Variants in TTC6 observed in about 807,000 individuals in gnomAD.
TTC6 encodes tetratricopeptide repeat protein 6.
A neutral mutation model predicts 210.4 loss-of-function variants in TTC6; 172 were observed. The observed-to-expected ratio is 0.82, with a 90% CI of 0.72 to 0.93. The LOEUF (loss-of-function observed/expected upper bound fraction) is 0.93, where lower values mean the gene tolerates loss of function less well. Ranked by LOEUF, TTC6 falls within the 40% of genes least tolerant of loss-of-function variation. The pLI, the probability that TTC6 is intolerant of heterozygous loss-of-function variation, is 0.00. For missense variants in TTC6, 2,414 were observed against 2,318.1 expected, an observed-to-expected ratio of 1.04 and a Z score of -0.85; for synonymous variants, 804 against 819.6, an observed-to-expected ratio of 0.98 and a Z score of 0.32.
At chr14:37,734,234 A>C (rs950362407) in intron 7 of TTC6, among the ~76,000 whole-genome samples, 1 of 152,164 alleles carries the variant, frequency 6.6e-6, no homozygotes, top group Non-Finnish European at 1.5e-5. Flanking sequence ...AGTCTGCATG[A>C]AAGTTGATTC....
intron 1 of TTC6, among the ~76,000 whole-genome samples, chr14:37,602,262 T>A (rs2095617073): frequency 6.6e-6 from 1 of 152,246 alleles, no homozygotes. Context: ...CCTCTCTGTC[T>A]TATATCATAA....
At chr14:37,633,329 A>C (rs1478859924) in intron 1 of TTC6, among the ~76,000 whole-genome samples, 3 of 152,156 alleles carry the variant, frequency 2.0e-5, no homozygotes, top group African/African-American at 4.8e-5. Flanking sequence ...GCTGTAATGC[A>C]ATGTTCTTCA....
intron 1 of TTC6, among the ~76,000 whole-genome samples, chr14:37,651,415 ATATATATATATTTTTTTTTTT>A (rs1236543470): frequency 2.5e-3 from 53 of 20,800 alleles, no homozygotes; most frequent in South Asian, 0.017. Context: ...ATATATATAT[ATATATATATATTTTTTTTTTT>A]TTTTTTTTTT....
At chr14:37,735,330 C>T (rs749271680) in intron 7 of TTC6, among the ~76,000 whole-genome samples, 6 of 152,174 alleles carry the variant, frequency 3.9e-5, no homozygotes, top group African/African-American at 9.6e-5. Context: ...ACCCGGGTGT[C>T]GAATTTAGGT....
intron 14 of TTC6, among the ~76,000 whole-genome samples, chr14:37,760,720 A>G (rs906385007): frequency 2.0e-5 from 3 of 152,136 alleles, no homozygotes; most frequent in African/African-American, 7.2e-5. Context: ...CTGCCCAGTG[A>G]GGAGGAATCT....
exon 5 of TTC6, chr14:37,701,367 A>G: frequency 6.7e-7 from 1 of 1,490,942 alleles, no homozygotes; most frequent in South Asian, 1.3e-5. Context: ...CACCTTCATG[A>G]TCTGTGCACC....
In TTC6 at chr14:37,727,583, A is replaced by G. The variant is rs150836601; in HGVS notation, c.1818+2581A>G. ...TCTGGGATTACAGGTGTGAGCCACC[A>G]CGCCCAGACTCTAATTTCTTTTGCT... is the stretch of plus-strand genomic sequence containing the variant. On this transcript the variant is annotated intron_variant, in intron 7 of 30. Transcript: ENST00000553443. 8.9e-3 allele frequency among the ~76,000 whole-genome samples: 1,352 copies of G among 151,882 alleles called. 17 individuals are homozygous for G. The highest frequency in any genetic ancestry group is 0.053 in the East Asian group (272 of 5,164).
At chr14:37,727,097 A>T (rs977015657) in intron 7 of TTC6, among the ~76,000 whole-genome samples, 1 of 151,906 alleles carries the variant, frequency 6.6e-6, no homozygotes, top group Admixed American at 6.6e-5. Context: ...GATATATAAT[A>T]CATAATTCCC....
intron 29 of TTC6, among the ~76,000 whole-genome samples, chr14:37,835,397 A>T (rs1254727114): frequency 5.9e-5 from 9 of 152,164 alleles, no homozygotes; most frequent in Non-Finnish European, 1.0e-4. Flanking sequence ...AGAATAAACT[A>T]GTAAATTGTT....
At chr14:37,722,717 G>A (rs2095864226) in intron 6 of TTC6, among the ~76,000 whole-genome samples, 1 of 152,150 alleles carries the variant, frequency 6.6e-6, no homozygotes. Context: ...ATTTTCATCA[G>A]GTATCGGGTA....
At chr14:37,690,245 G>A (rs1244731420) in intron 3 of TTC6, among the ~76,000 whole-genome samples, 2 of 151,704 alleles carry the variant, frequency 1.3e-5, no homozygotes, top group Non-Finnish European at 2.9e-5. Flanking sequence ...AAAATAAAAA[G>A]CAAGAAACTA....
At chr14:37,618,118 C>T (rs1266081017), upstream of TTC6, among the ~76,000 whole-genome samples, 1 of 152,186 alleles carries the variant, frequency 6.6e-6, no homozygotes, top group Non-Finnish European at 1.5e-5. Context: ...TAGTTACAGT[C>T]TAGAGCAAAG....
intron 3 of TTC6, among the ~76,000 whole-genome samples, chr14:37,691,907 T>C (rs1256003906): frequency 6.6e-6 from 1 of 151,982 alleles, no homozygotes. Flanking sequence ...AGCAACTATA[T>C]GCCAATAAAT....
chr14:37,708,100 T>A (rs2095838783), intron 5 of TTC6, among the ~76,000 whole-genome samples: 1 of 152,072 alleles, frequency 6.6e-6, no homozygotes, highest in East Asian at 1.9e-4. Context: ...ACATATATTA[T>A]GTATACATAC....
chr14:37,621,000 C>T (rs1185476776), upstream of TTC6, among the ~76,000 whole-genome samples: 4 of 152,136 alleles, frequency 2.6e-5, no homozygotes, highest in Non-Finnish European at 5.9e-5. Flanking sequence ...GAGTGGTTTC[C>T]AGTAGCTCAC....
exon 1 of TTC6, chr14:37,595,958 C>G (rs2095603446): frequency 6.6e-6 from 1 of 152,278 alleles, no homozygotes; most frequent in African/African-American, 2.4e-5. Flanking sequence ...GGGCCCCGGG[C>G]TAGCAGAGCG....
At chr14:37,603,922 G>A (rs924104064) in intron 1 of TTC6, among the ~76,000 whole-genome samples, 3 of 152,190 alleles carry the variant, frequency 2.0e-5, no homozygotes, top group Non-Finnish European at 4.4e-5. Context: ...TTTCCCAACT[G>A]TAAAATGGGC....
chr14:37,657,963 C>G (rs1437551780), intron 1 of TTC6, among the ~76,000 whole-genome samples: 1 of 152,038 alleles, frequency 6.6e-6, no homozygotes, highest in African/African-American at 2.4e-5. Context: ...AAGAGAGGTA[C>G]TTTTTTATTA....
chr14:37,627,887 T>A (rs934039815), intron 1 of TTC6, among the ~76,000 whole-genome samples: 3 of 152,188 alleles, frequency 2.0e-5, no homozygotes, highest in African/African-American at 7.2e-5. Context: ...TCCACGGTGG[T>A]TGAACTAATT....
Sources: gnomAD v4.1 joint callset for allele counts (sites outside exome capture counted in the v4.1 genomes callset) on GRCh38, gnomAD v4.1.1 for gene constraint, MANE v1.5 for transcripts, NCBI Gene and HGNC (gene_info 2026-07-23, HGNC 2026-07-21) for gene names.